The following PPP2R2B variants were observed in gnomAD, a reference collection of about 807,000 sequenced individuals.
PPP2R2B encodes protein phosphatase 2 regulatory subunit Bbeta.
A neutral mutation model predicts 46.0 loss-of-function variants in PPP2R2B; 5 were observed. The ratio of observed to expected loss-of-function variants is 0.11; its 90% CI spans 0.06 to 0.23. The LOEUF is 0.23. Ranked by LOEUF, PPP2R2B falls within the 10% of genes least tolerant of loss-of-function variation. PPP2R2B has a pLI of 1.00. For synonymous variants in PPP2R2B, 215 were observed against 206.7 expected, an observed-to-expected ratio of 1.04 and a Z score of -0.34; for missense variants, 367 against 575.0, an observed-to-expected ratio of 0.64 and a Z score of 3.70.
At chr5:147,079,434 TTATATATATACATATATATA>T (rs1418466062) in intron 2 of PPP2R2B, among the ~76,000 whole-genome samples, 1 of 80,966 alleles carries the variant, frequency 1.2e-5, no homozygotes, top group East Asian at 3.5e-4. Context: ...CACACACATT[TTATATATATACATATATATA>T]TATATATATA....
At chr5:146,971,241 A>G (rs1752648773) in intron 1 of PPP2R2B, among the ~76,000 whole-genome samples, 1 of 152,178 alleles carries the variant, frequency 6.6e-6, no homozygotes, top group Non-Finnish European at 1.5e-5. Context: ...ACAGAGAAAG[A>G]TCTCTTTCCC....
chr5:146,694,803 TC>T (rs1461088711), intron 4 of PPP2R2B, among the ~76,000 whole-genome samples: 2 of 124,452 alleles, frequency 1.6e-5, no homozygotes, highest in African/African-American at 5.7e-5. Flanking sequence ...TTTTGTGATT[TC>T]TTTTATATTT....
intron 1 of PPP2R2B, among the ~76,000 whole-genome samples, chr5:147,053,915 C>T (rs13165556): frequency 0.64 from 97,705 of 152,018 alleles, 33,300 homozygotes; most frequent in South Asian, 0.77. Context: ...TGTCCCAGAG[C>T]CTCCTCCACG....
At chr5:146,885,234 TAA>T (rs989671288) in intron 1 of PPP2R2B, among the ~76,000 whole-genome samples, 35 of 152,076 alleles carry the variant, frequency 2.3e-4, no homozygotes, top group African/African-American at 8.2e-4. Context: ...CTAATAGAGG[TAA>T]ATAATATAAC....
intron 2 of PPP2R2B, among the ~76,000 whole-genome samples, chr5:146,745,537 TG>T (rs1399329608): frequency 6.6e-6 from 1 of 152,240 alleles, no homozygotes; most frequent in Non-Finnish European, 1.5e-5. Flanking sequence ...ATGAGCAGCC[TG>T]GCACAATTAT....
intron 2 of PPP2R2B, among the ~76,000 whole-genome samples, chr5:146,758,942 A>G (rs1267311253): frequency 6.6e-6 from 1 of 152,032 alleles, no homozygotes; most frequent in East Asian, 1.9e-4. Flanking sequence ...TTTTTCCCAA[A>G]TGGAATTAAA....
chr5:146,811,086 C>A (rs2151318941), intron 2 of PPP2R2B, among the ~76,000 whole-genome samples: 1 of 152,260 alleles, frequency 6.6e-6, no homozygotes, highest in East Asian at 1.9e-4. Flanking sequence ...TCACTGCAAC[C>A]TCCGCCTCCC....
intron 2 of PPP2R2B, among the ~76,000 whole-genome samples, chr5:146,716,151 C>T (rs776042914): frequency 6.7e-6 from 1 of 149,124 alleles, no homozygotes; most frequent in African/African-American, 2.6e-5. Flanking sequence ...TTGCAAAAAA[C>T]ACTTGTTTAC....
intron 2 of PPP2R2B, among the ~76,000 whole-genome samples, chr5:146,771,187 C>G (rs1224982059): frequency 6.6e-6 from 1 of 152,162 alleles, no homozygotes; most frequent in Non-Finnish European, 1.5e-5. Flanking sequence ...CAGGCCTAAT[C>G]CCATGGTCTG....
chr5:147,048,024 G>T (rs941789820), intron 1 of PPP2R2B, among the ~76,000 whole-genome samples: 4 of 152,108 alleles, frequency 2.6e-5, no homozygotes, highest in African/African-American at 7.2e-5. Flanking sequence ...TGAGATTCCT[G>T]GGGCCCAGTT....
chr5:146,960,730 C>T (rs891393067), intron 1 of PPP2R2B, among the ~76,000 whole-genome samples: 21 of 152,008 alleles, frequency 1.4e-4, no homozygotes, highest in African/African-American at 5.1e-4. Flanking sequence ...GGGGATCAGC[C>T]GTAGATCCTA....
chr5:146,643,443 G>A (rs1454436608), intron 6 of PPP2R2B, among the ~76,000 whole-genome samples: 1 of 152,182 alleles, frequency 6.6e-6, no homozygotes, highest in East Asian at 1.9e-4. Flanking sequence ...AGCAGTAAAA[G>A]CAGGAAAGGG....
intron 1 of PPP2R2B, among the ~76,000 whole-genome samples, chr5:147,014,337 A>T (rs2151880440): frequency 6.7e-6 from 1 of 149,794 alleles, no homozygotes; most frequent in East Asian, 2.0e-4. Flanking sequence ...GCGTTTCCTC[A>T]GGGATCTAGA....
chr5:146,730,710 T>C (rs758490122), intron 2 of PPP2R2B, among the ~76,000 whole-genome samples: 1 of 152,232 alleles, frequency 6.6e-6, no homozygotes, highest in Non-Finnish European at 1.5e-5. Context: ...ATGTAAGAAG[T>C]GCCTTTCACC....
At chr5:146,640,437 T>G (rs191568822) in intron 6 of PPP2R2B, among the ~76,000 whole-genome samples, 1 of 152,330 alleles carries the variant, frequency 6.6e-6, no homozygotes, top group Non-Finnish European at 1.5e-5. Context: ...AGGAGGAGGC[T>G]CTAGGCTGCA....
upstream of PPP2R2B, among the ~76,000 whole-genome samples, chr5:146,880,732 T>A (rs1447332123): frequency 6.6e-6 from 1 of 152,182 alleles, no homozygotes; most frequent in Non-Finnish European, 1.5e-5. Flanking sequence ...TTGTAACCAA[T>A]GGGGAGAATG....
intron 5 of PPP2R2B, among the ~76,000 whole-genome samples, chr5:146,684,926 C>T (rs910943229): frequency 1.6e-4 from 25 of 152,116 alleles, no homozygotes; most frequent in African/African-American, 5.6e-4. Flanking sequence ...GCAGAGTCCC[C>T]GGTGACCATG....
At chr5:146,686,727 C>T (rs1278947161) in intron 5 of PPP2R2B, among the ~76,000 whole-genome samples, 1 of 152,094 alleles carries the variant, frequency 6.6e-6, no homozygotes, top group East Asian at 1.9e-4. Flanking sequence ...GTTCCCAGGG[C>T]ACTGGCAGCT....
upstream of PPP2R2B, chr5:146,879,232 C>A (rs1332304220): frequency 6.5e-6 from 1 of 152,996 alleles, no homozygotes; most frequent in Non-Finnish European, 1.5e-5. Context: ...CGCTCAGAGC[C>A]TATCTTAAGC....
Sources: allele counts gnomAD v4.1 joint callset (sites outside exome capture counted in the v4.1 genomes callset), GRCh38; gene constraint gnomAD v4.1.1; transcripts MANE v1.5; gene names NCBI Gene and HGNC (gene_info 2026-07-23, HGNC 2026-07-21).